Variants in CDC5L observed in about 807,000 individuals in gnomAD.
CDC5L encodes the protein cell division cycle 5 like, also known as cell division cycle 5-like protein.
CDC5L carries 18 observed loss-of-function variants against 104.1 expected under a neutral mutation model. That is an observed-to-expected ratio of 0.17 (90% confidence interval 0.12 to 0.26). CDC5L has a LOEUF of 0.26. Among genes scored for constraint, CDC5L ranks in the 10% least tolerant of loss-of-function variants. The probability of loss-of-function intolerance (pLI) is 1.00; values close to 1 mark genes in which losing one functional copy is unlikely to be tolerated. For synonymous variants in CDC5L, 331 were observed against 322.7 expected (o/e 1.03, Z -0.28); for missense variants, 673 against 956.9 (o/e 0.70, Z 3.91).
chr6:44,449,339 G>A lies in CDC5L; in HGVS notation c.*2628G>A, dbSNP rs1440929145. ...CAGGATTCTTTACCAGCACCATACA[G>A]CGATTTTGGTGACTATTTTAACATT... On this transcript the variant is annotated 3_prime_UTR_variant, in exon 16 of 16. Transcript: ENST00000371477. 1 of 152,148 alleles carries A rather than the reference G, an allele frequency of 6.6e-6. No homozygotes were observed. Among genetic ancestry groups the A allele is most frequent in the Admixed American group, 6.5e-5 (1 of 15,276 alleles). The allele number at this position is 152,148 out of a possible 1,614,324, so 9.4% of individuals were successfully genotyped here.
intron 1 of CDC5L, among the ~76,000 whole-genome samples, chr6:44,388,602 G>A (rs1790456261): frequency 6.6e-6 from 1 of 151,886 alleles, no homozygotes; most frequent in Admixed American, 6.6e-5. Context: ...AGAGTGTACC[G>A]AATTTATCAG....
In CDC5L at chr6:44,420,117, G is replaced by A. The variant is rs528331109; in HGVS notation, c.1241+520G>A. Among the ~76,000 whole-genome samples the A allele has an allele frequency of 6.2e-4, 94 of 152,106 alleles. 1 individual carries two copies. The South Asian group carries it at 0.018, about 30-fold the overall frequency. Reference sequence around the variant, plus strand: ...CAGCATTTTATTATGAAAATTTCAGGCATTTAGAAAGGTTGAAAGAATGTG... The same window carrying A: ...CAGCATTTTATTATGAAAATTTCAGACATTTAGAAAGGTTGAAAGAATGTG... On this transcript the variant is annotated intron_variant, in intron 9 of 15. Coordinates refer to ENST00000371477, the MANE Select transcript of CDC5L (RefSeq NM_001253.4).
At chr6:44,401,771 A>G (rs1221650842) in intron 5 of CDC5L, among the ~76,000 whole-genome samples, 1 of 151,432 alleles carries the variant, frequency 6.6e-6, no homozygotes, top group Non-Finnish European at 1.5e-5. Context: ...ATCATTTAGC[A>G]TTAGGTATAT....
chr6:44,408,144 T>G (rs781025788), intron 7 of CDC5L, among the ~76,000 whole-genome samples: 9 of 152,194 alleles, frequency 5.9e-5, no homozygotes, highest in Non-Finnish European at 1.3e-4. Context: ...TTATGGAAAC[T>G]TTCAAAGCCA....
intron 6 of CDC5L, 66 bp from the exon 7 acceptor site, chr6:44,406,257 T>C: frequency 8.4e-7 from 1 of 1,191,436 alleles, no homozygotes; most frequent in Admixed American, 2.3e-5. Context: ...TGAGTATTTG[T>C]ATGGATTTTA....
intron 5 of CDC5L, among the ~76,000 whole-genome samples, chr6:44,397,868 T>A (rs1198689450): frequency 3.3e-5 from 5 of 152,228 alleles, no homozygotes; most frequent in Admixed American, 3.3e-4. Context: ...AGTCCATGAT[T>A]GATATCAGTT....
At chr6:44,400,410 C>T (rs1262529028) in intron 5 of CDC5L, among the ~76,000 whole-genome samples, 1 of 152,130 alleles carries the variant, frequency 6.6e-6, no homozygotes, top group South Asian at 2.1e-4. Flanking sequence ...GTTTTTGAGA[C>T]GGAGTCTCGC....
At chr6:44,413,685 G>A (rs574045870) in intron 8 of CDC5L, among the ~76,000 whole-genome samples, 9 of 152,222 alleles carry the variant, frequency 5.9e-5, no homozygotes, top group Non-Finnish European at 1.3e-4. Flanking sequence ...TTGGGCTCAA[G>A]TGATCCTCCC....
At chr6:44,431,552 T>C (rs1029426347) in intron 14 of CDC5L, among the ~76,000 whole-genome samples, 3 of 152,166 alleles carry the variant, frequency 2.0e-5, no homozygotes, top group Non-Finnish European at 2.9e-5. Context: ...ATCTTCTCAT[T>C]TGAGGTGGGT....
chr6:44,430,946 T>G (rs1308787880), intron 14 of CDC5L, among the ~76,000 whole-genome samples: 5 of 152,188 alleles, frequency 3.3e-5, no homozygotes, highest in Non-Finnish European at 5.9e-5. Context: ...AAGGGGTACT[T>G]CAGGCAGTCA....
chr6:44,436,667 C>CA, intron 14 of CDC5L, among the ~76,000 whole-genome samples: 1 of 152,256 alleles, frequency 6.6e-6, no homozygotes, highest in Admixed American at 6.5e-5. Flanking sequence ...TGTATTCTCA[C>CA]CCAGCTATGA....
chr6:44,419,645 G>T, intron 9 of CDC5L, 48 bp downstream of exon 9: 1 of 1,437,362 alleles, frequency 7.0e-7, no homozygotes, highest in South Asian at 1.2e-5. Context: ...TGAATTCAAG[G>T]ACTTAGCATA....
intron 8 of CDC5L, among the ~76,000 whole-genome samples, chr6:44,416,147 A>G (rs1323337977): frequency 6.6e-6 from 1 of 152,174 alleles, no homozygotes; most frequent in Non-Finnish European, 1.5e-5. Flanking sequence ...AATTAAGGAA[A>G]CAGAACCACT....
chr6:44,393,164 GTTTTTT>G (rs773786751), intron 3 of CDC5L, among the ~76,000 whole-genome samples: 1 of 107,220 alleles, frequency 9.3e-6, no homozygotes, highest in Non-Finnish European at 1.9e-5. Context: ...TTTACTAATA[GTTTTTT>G]TTTTTTTTTT....
intron 9 of CDC5L, among the ~76,000 whole-genome samples, chr6:44,421,659 A>G (rs1045113454): frequency 2.0e-4 from 30 of 152,266 alleles, no homozygotes; most frequent in African/African-American, 7.0e-4. Flanking sequence ...CTCAAACAGT[A>G]CAACAATAAC....
At chr6:44,393,665 A>G in intron 4 of CDC5L, 92 bp downstream of exon 4, 1 of 1,301,968 alleles carries the variant, frequency 7.7e-7, no homozygotes, top group Non-Finnish European at 1.0e-6. Context: ...CCTCTACTTT[A>G]GAATCCCTTT....
chr6:44,416,601 C>T (rs1791918850), intron 8 of CDC5L, among the ~76,000 whole-genome samples: 1 of 152,162 alleles, frequency 6.6e-6, no homozygotes, highest in African/African-American at 2.4e-5. Flanking sequence ...CTACTCAGTA[C>T]CAAGATGGAA....
intron 14 of CDC5L, among the ~76,000 whole-genome samples, chr6:44,433,596 G>A (rs936116698): frequency 6.6e-6 from 1 of 152,160 alleles, no homozygotes; most frequent in African/African-American, 2.4e-5. Context: ...GCTTTCCTTA[G>A]AGATAGAAAA....
intron 14 of CDC5L, among the ~76,000 whole-genome samples, chr6:44,434,375 A>G (rs2153382966): frequency 6.6e-6 from 1 of 152,258 alleles, no homozygotes; most frequent in South Asian, 2.1e-4. Context: ...GCAAACAATA[A>G]TTACTTTCTT....
Sources: allele counts gnomAD v4.1 joint callset (sites outside exome capture counted in the v4.1 genomes callset), GRCh38; gene constraint gnomAD v4.1.1; transcripts MANE v1.5; gene names NCBI Gene and HGNC (gene_info 2026-07-23, HGNC 2026-07-21).